Variants in AGMO observed in about 807,000 individuals in gnomAD.
AGMO encodes the protein glyceryl-ether monooxygenase.
A neutral mutation model predicts 60.2 loss-of-function variants in AGMO; 75 were observed. That is an observed-to-expected ratio of 1.25 (90% confidence interval 1.03 to 1.51). AGMO has a LOEUF of 1.51. Among genes scored for constraint, AGMO ranks in the 40% most tolerant of loss-of-function variants. AGMO has a pLI of 0.00. For synonymous variants in AGMO, 261 were observed against 177.1 expected (o/e 1.47, Z -3.76); for missense variants, 763 against 525.5 (o/e 1.45, Z -4.42).
Position 15,225,829 on chromosome 7 carries a change from G to A in AGMO, c.1264-24470C>T, listed in dbSNP as rs534100525. On this transcript the variant is annotated intron_variant, in intron 12 of 12. Transcript: ENST00000342526. ...ACATTTTCTTAAATATTTAAGAGTT[G>A]ATTAATCTGATAGATTCAAATTCTT... 3.3e-5 allele frequency among the ~76,000 whole-genome samples: 5 copies of A among 151,976 alleles called. No individual in the cohort carries two copies. In the East Asian group the frequency reaches 9.7e-4, roughly 29 times the overall value.
chr7:15,269,104 A>C (rs1222226127), intron 12 of AGMO, among the ~76,000 whole-genome samples: 5 of 152,090 alleles, frequency 3.3e-5, no homozygotes, highest in African/African-American at 1.2e-4. Flanking sequence ...AACTCTGCCA[A>C]TGTAATGTGA....
At chr7:15,554,745 G>C (rs1283568671) in intron 2 of AGMO, among the ~76,000 whole-genome samples, 3 of 152,022 alleles carry the variant, frequency 2.0e-5, no homozygotes, top group East Asian at 1.9e-4. Flanking sequence ...CAGTTTTAAT[G>C]TTAAGATTGA....
At chr7:15,134,421 C>T in the AGMO span, among the ~76,000 whole-genome samples, 1 of 152,046 alleles carries the variant, frequency 6.6e-6, no homozygotes, top group African/African-American at 2.4e-5. Context: ...CAATACGTCA[C>T]AATAGATTGT....
intron 12 of AGMO, among the ~76,000 whole-genome samples, chr7:15,243,600 T>C (rs1026409924): frequency 1.3e-5 from 2 of 152,182 alleles, no homozygotes; most frequent in African/African-American, 4.8e-5. Context: ...TACACAGTGA[T>C]CAAAACACAT....
intron 5 of AGMO, among the ~76,000 whole-genome samples, chr7:15,416,024 T>C (rs973562370): frequency 6.0e-5 from 9 of 150,486 alleles, no homozygotes; most frequent in Admixed American, 1.3e-4. Context: ...CTTTTCTTTT[T>C]TTCTTTTTTT....
At chr7:15,357,722 C>A (rs1431004769) in intron 12 of AGMO, among the ~76,000 whole-genome samples, 3 of 152,168 alleles carry the variant, frequency 2.0e-5, no homozygotes, top group Non-Finnish European at 4.4e-5. Context: ...CAGTGCGCTC[C>A]CTTGACAGCC....
intron 12 of AGMO, among the ~76,000 whole-genome samples, chr7:15,203,084 T>A (rs1326627763): frequency 6.6e-6 from 1 of 152,116 alleles, no homozygotes; most frequent in Admixed American, 6.5e-5. Flanking sequence ...GAAGTCTTTA[T>A]TGGTTACAAG....
At chr7:15,248,204 A>ATATG (rs1782816277) in intron 12 of AGMO, among the ~76,000 whole-genome samples, 1 of 95,264 alleles carries the variant, frequency 1.0e-5, no homozygotes, top group African/African-American at 4.0e-5. Flanking sequence ...ATATATATAT[A>ATATG]TATATATATA....
At chr7:15,506,346 C>G (rs1562541624) in intron 3 of AGMO, among the ~76,000 whole-genome samples, 1 of 151,934 alleles carries the variant, frequency 6.6e-6, no homozygotes, top group Non-Finnish European at 1.5e-5. Flanking sequence ...TACACAGATT[C>G]TAAATGACAG....
chr7:15,392,956 A>AAAC (rs1784211238), intron 6 of AGMO, among the ~76,000 whole-genome samples: 2 of 152,246 alleles, frequency 1.3e-5, no homozygotes, highest in Admixed American at 1.3e-4. Context: ...CCTGTTTCCT[A>AAAC]AGTGTTGAAT....
intron 12 of AGMO, among the ~76,000 whole-genome samples, chr7:15,229,955 T>C (rs1388306021): frequency 6.6e-6 from 1 of 151,646 alleles, no homozygotes; most frequent in East Asian, 1.9e-4. Flanking sequence ...CTCCCAACAA[T>C]ACTTAATACA....
intron 12 of AGMO, among the ~76,000 whole-genome samples, chr7:15,224,134 T>C (rs1782004299): frequency 6.6e-6 from 1 of 152,000 alleles, no homozygotes; most frequent in East Asian, 1.9e-4. Context: ...GGTGAGTCTC[T>C]CTATGCACAG....
chr7:15,372,137 A>T (rs373658641), intron 10 of AGMO, among the ~76,000 whole-genome samples: 1 of 138,338 alleles, frequency 7.2e-6, no homozygotes, highest in African/African-American at 2.8e-5. Context: ...TAAGGGAGAT[A>T]ATCAGTTGAA....
chr7:15,298,295 G>A (rs996974002), intron 12 of AGMO, among the ~76,000 whole-genome samples: 5 of 152,072 alleles, frequency 3.3e-5, no homozygotes, highest in South Asian at 2.1e-4. Context: ...GCTTTCTCCC[G>A]TCTTAATCAT....
intron 3 of AGMO, among the ~76,000 whole-genome samples, chr7:15,538,518 C>A (rs955860077): frequency 6.6e-6 from 1 of 152,110 alleles, no homozygotes; most frequent in South Asian, 2.1e-4. Flanking sequence ...GCTGAGATTA[C>A]AGGTATGAGC....
At chr7:15,118,735 T>C in the AGMO span, among the ~76,000 whole-genome samples, 1 of 152,002 alleles carries the variant, frequency 6.6e-6, no homozygotes, top group African/African-American at 2.4e-5. Flanking sequence ...AGTAAACCTC[T>C]TTTAAAAGCT....
rs1417587683 is a variant in AGMO at position 15,344,083 on chromosome 7, C to T, written c.1263+21431G>A. On this transcript the variant is annotated intron_variant, in intron 12 of 12. Coordinates refer to ENST00000342526, the MANE Select transcript of AGMO (RefSeq NM_001004320.2). The stretch of plus-strand genomic sequence containing the variant: ...TTGATATAAATTAAAATGTAAAATT[C>T]CAAGTTTGAGAGTAAATCAAGAATT... 2.0e-5 allele frequency among the ~76,000 whole-genome samples: 3 copies of T among 151,966 alleles called. No homozygotes were observed. In the East Asian group the frequency reaches 5.8e-4, roughly 29 times the overall value.
intron 3 of AGMO, among the ~76,000 whole-genome samples, chr7:15,500,427 A>T (rs1486700080): frequency 7.2e-5 from 11 of 151,942 alleles, no homozygotes; most frequent in African/African-American, 2.7e-4. Flanking sequence ...TTTAAAAAGT[A>T]ATCCAAGAAG....
rs530264966 is a variant in AGMO, at chr7:15,362,596, G to C, written c.1263+2918C>G. Among the ~76,000 whole-genome samples the C allele has an allele frequency of 3.9e-5, 6 of 152,140 alleles. No homozygotes were observed. In the South Asian group the frequency reaches 1.0e-3, roughly 26 times the overall value. Reference sequence around the variant, plus strand: ...TTTTAACGAAAAATTCCAGTGGCAAGTCCCAGGCAACATCTACTCTTGAAG... The same window carrying C: ...TTTTAACGAAAAATTCCAGTGGCAACTCCCAGGCAACATCTACTCTTGAAG... On this transcript the variant is annotated intron_variant, in intron 12 of 12. Coordinates refer to ENST00000342526, the MANE Select transcript of AGMO (RefSeq NM_001004320.2).
Sources: allele counts gnomAD v4.1 joint callset (sites outside exome capture counted in the v4.1 genomes callset), GRCh38; gene constraint gnomAD v4.1.1; transcripts MANE v1.5; gene names NCBI Gene and HGNC (gene_info 2026-07-23, HGNC 2026-07-21).